Variants in HDAC9 observed in about 807,000 individuals in gnomAD.
HDAC9 encodes MEF-2 interacting transcription repressor (MITR) protein.
In HDAC9, 41 loss-of-function variants were observed where a neutral mutation model predicts 139.4. That is an observed-to-expected ratio of 0.29 (90% CI 0.23 to 0.38). The LOEUF (loss-of-function observed/expected upper bound fraction) is 0.38, where lower values mean the gene tolerates loss of function less well. Among genes scored for constraint, HDAC9 ranks in the 10% least tolerant of loss-of-function variants. HDAC9 has a pLI of 1.00. For missense variants in HDAC9, 1,147 were observed against 1,297.0 expected, an observed-to-expected ratio of 0.88 and a Z score of 1.78; for synonymous variants, 517 against 476.2, an observed-to-expected ratio of 1.09 and a Z score of -1.12.
In HDAC9 at chr7:18,865,332, A is replaced by T. The variant is rs1429269506; in HGVS notation, c.2685-9146A>T. Reference sequence around the variant, plus strand: ...CCTTGGAAGATTGGCTTTGGGTTTGAGAAAGAGACAGGGAGCTGCCAAAGA... The same window carrying T: ...CCTTGGAAGATTGGCTTTGGGTTTGTGAAAGAGACAGGGAGCTGCCAAAGA... On this transcript the variant is annotated intron_variant, in intron 21 of 25. Transcript: ENST00000686413. Among the ~76,000 whole-genome samples, 3 of 152,280 alleles carry T rather than the reference A, an allele frequency of 2.0e-5. No homozygotes were observed. The East Asian group carries it at 5.8e-4, about 29-fold the overall frequency.
chr7:18,706,808 G>A (rs1257942255), intron 12 of HDAC9, among the ~76,000 whole-genome samples: 1 of 152,228 alleles, frequency 6.6e-6, no homozygotes, highest in Non-Finnish European at 1.5e-5. Context: ...GTTTCAGAAA[G>A]CTTGGGAAGA....
At position 18,975,965 on chromosome 7, in the gene HDAC9, AC is replaced by A. The variant is rs748388303; in HGVS notation, c.3170+13del. 5.6e-6 allele frequency: 9 copies of A among 1,612,144 alleles called. No homozygotes were observed. The highest frequency in any genetic ancestry group is 7.6e-6 in the Non-Finnish European group (9 of 1,179,202). ...CAGGAAGACAGCAGGTATGAATCCA[AC>A]GTGCGGGAATAATCCGGGTCAGTCA... On this transcript the variant is annotated intron_variant, in intron 25 of 25. Transcript: ENST00000686413.
At chr7:18,916,578 A>G (rs934202512) in intron 22 of HDAC9, among the ~76,000 whole-genome samples, 1 of 151,964 alleles carries the variant, frequency 6.6e-6, no homozygotes. Context: ...AAAGTGGTGT[A>G]AAATGTTGAT....
intron 12 of HDAC9, among the ~76,000 whole-genome samples, chr7:18,704,989 T>C (rs1488722419): frequency 1.3e-5 from 2 of 152,190 alleles, no homozygotes; most frequent in African/African-American, 4.8e-5. Context: ...ACACATACGA[T>C]TTTTAACTTT....
chr7:18,569,085 G>C (rs1823417059), intron 2 of HDAC9, among the ~76,000 whole-genome samples: 1 of 149,688 alleles, frequency 6.7e-6, no homozygotes, highest in African/African-American at 2.4e-5. Context: ...AATAAAATTT[G>C]GCTATAGATT....
chr7:18,793,449 GA>G lies in HDAC9; in HGVS notation c.2321del (p.Lys774ArgfsTer7). 1 of 1,561,122 alleles carries G rather than the reference GA, an allele frequency of 6.4e-7. No homozygotes were observed. Among genetic ancestry groups the G allele is most frequent in the Non-Finnish European group, 8.7e-7 (1 of 1,148,744 alleles). The part of the protein sequence containing the change: ...LASKVASGEL[K>X]NGFAVVRPPG... ...CTTCCAAAGTGGCCTCAGGAGAGCT[GA>G]AGGTGAGGTCCGGGTTGCATTAAGT... is the stretch of plus-strand genomic sequence containing the variant. On this transcript the variant is annotated frameshift_variant and splice_region_variant, in exon 17 of 26. Coordinates refer to ENST00000686413, the MANE Select transcript of HDAC9 (RefSeq NM_178425.4). LOFTEE classifies it high-confidence loss of function.
chr7:18,378,965 A>T (rs1013314447), intron 1 of HDAC9, among the ~76,000 whole-genome samples: 2 of 152,188 alleles, frequency 1.3e-5, no homozygotes, highest in Non-Finnish European at 2.9e-5. Flanking sequence ...TTACTTAGAT[A>T]CCTGCCAAAA....
rs200279377 is a variant in HDAC9, at chr7:18,231,505, TAAAGTGAG to T, written c.25+69160_25+69167del. On this transcript the variant is annotated intron_variant, in intron 2 of 12. Transcript: ENST00000417496. ...GCAACCTAAGTATTCAAGAATCCCTTAAAGTGAGAAAATGCCTTTCCTTATCAGGAATA... is the reference window on the plus strand; with the variant it reads ...GCAACCTAAGTATTCAAGAATCCCTTAAAATGCCTTTCCTTATCAGGAATA... 6.4e-3 allele frequency among the ~76,000 whole-genome samples: 976 copies of T among 152,294 alleles called. 16 individuals carry two copies. The highest frequency in any genetic ancestry group is 0.023 in the African/African-American group (942 of 41,556).
At position 18,260,773 on chromosome 7, in the gene HDAC9, G is replaced by C. The variant is rs139100650; in HGVS notation, c.25+98424G>C. Among the ~76,000 whole-genome samples the C allele has an allele frequency of 5.8e-3, 885 of 152,282 alleles. 8 individuals are homozygous for C. The highest frequency in any genetic ancestry group is 7.7e-3 in the Non-Finnish European group (521 of 68,030). ...AATGAATAACTAGGAGATAATGAAT[G>C]TCCTGGCCATTTATTCTCAAAGAGC... On this transcript the variant is annotated intron_variant, in intron 2 of 12. Coordinates refer to the HDAC9 transcript ENST00000417496.
At chr7:18,112,796 A>G (rs141428609) in intron 1 of HDAC9, among the ~76,000 whole-genome samples, 2,916 of 152,282 alleles carry the variant, frequency 0.019, 70 homozygotes, top group African/African-American at 0.047. Context: ...CAGTGGCTAT[A>G]TATATGGGAT....
intron 2 of HDAC9, among the ~76,000 whole-genome samples, chr7:18,560,542 T>C (rs950892840): frequency 2.6e-5 from 4 of 152,180 alleles, no homozygotes; most frequent in Admixed American, 6.5e-5. Flanking sequence ...GTGTGCCTGT[T>C]GTGCCCCGTG....
intron 6 of HDAC9, among the ~76,000 whole-genome samples, chr7:18,628,528 A>G (rs552601024): frequency 6.6e-6 from 1 of 152,312 alleles, no homozygotes; most frequent in South Asian, 2.1e-4. Context: ...CAGAGATGCA[A>G]TCCAATGTTT....
chr7:18,896,162 A>G (rs531266088), intron 22 of HDAC9, among the ~76,000 whole-genome samples: 1 of 152,164 alleles, frequency 6.6e-6, no homozygotes, highest in East Asian at 1.9e-4. Flanking sequence ...TGTAAATTTT[A>G]TTTTCCATTA....
chr7:18,293,987 T>C (rs1479184876), intron 1 of HDAC9, among the ~76,000 whole-genome samples: 2 of 152,164 alleles, frequency 1.3e-5, no homozygotes, highest in East Asian at 3.9e-4. Context: ...TAAAATGTAT[T>C]AAAAGTCTTG....
upstream of HDAC9, among the ~76,000 whole-genome samples, chr7:18,495,175 G>T (rs753016947): frequency 5.9e-5 from 9 of 152,040 alleles, no homozygotes; most frequent in Non-Finnish European, 1.0e-4. Flanking sequence ...AGGCAGAAAA[G>T]CTTCTAGTGC....
intron 23 of HDAC9, among the ~76,000 whole-genome samples, chr7:18,950,181 C>T (rs533235426): frequency 6.6e-6 from 1 of 152,164 alleles, no homozygotes; most frequent in Non-Finnish European, 1.5e-5. Context: ...TTTTCTTCCG[C>T]TCAATTGGAA....
At chr7:18,613,924 A>G (rs927924232) in intron 6 of HDAC9, among the ~76,000 whole-genome samples, 5 of 151,644 alleles carry the variant, frequency 3.3e-5, no homozygotes, top group African/African-American at 4.9e-5. Context: ...TTACCTCTCT[A>G]TTTTTACCAC....
In HDAC9 at chr7:18,495,877, G is replaced by C. The variant is rs539938151; in HGVS notation, c.-188G>C. 5 of 1,115,156 alleles carry C rather than the reference G, an allele frequency of 4.5e-6. No individual in the cohort carries two copies. Among genetic ancestry groups the C allele is most frequent in the South Asian group, 4.2e-5 (1 of 23,624 alleles). The allele number at this position is 1,115,156 out of a possible 1,614,324, so 69.1% of individuals were successfully genotyped here. On this transcript the variant is annotated 5_prime_UTR_variant, in exon 1 of 26. Transcript: ENST00000686413. ...CAGGTTTAATTGGTTTCTTTTTCTC[G>C]TGGGTAGACTTAATAATTTTCTACG...
chr7:18,534,067 G>A (rs539410512), intron 2 of HDAC9, among the ~76,000 whole-genome samples: 163 of 152,130 alleles, frequency 1.1e-3, no homozygotes, highest in Admixed American at 3.5e-3. Flanking sequence ...CTTTTTCTCT[G>A]CTCTCCTCCT....
Sources: gnomAD v4.1 joint callset for allele counts (sites outside exome capture counted in the v4.1 genomes callset) on GRCh38, gnomAD v4.1.1 for gene constraint, MANE v1.5 for transcripts, NCBI Gene and HGNC (gene_info 2026-07-23, HGNC 2026-07-21) for gene names.